Variants in PCDHA2 observed in about 807,000 individuals in gnomAD.
PCDHA2 encodes protocadherin alpha 2, also known as protocadherin alpha-2.
Under a neutral mutation model 66.0 loss-of-function variants are expected in PCDHA2, and 58 were observed. The observed-to-expected ratio is 0.88, with a 90% confidence interval of 0.71 to 1.09. PCDHA2 has a LOEUF of 1.09. PCDHA2 is among the 50% of genes least tolerant of loss of function. The pLI, the probability that PCDHA2 is intolerant of heterozygous loss-of-function variation, is 0.00. For missense variants in PCDHA2, 1,267 were observed against 1,242.3 expected (o/e 1.02, Z -0.30); for synonymous variants, 634 against 554.0 (o/e 1.14, Z -2.03).
At chr5:141,007,156 G>A (rs1289202250) in intron 3 of PCDHA2, among the ~76,000 whole-genome samples, 2 of 152,148 alleles carry the variant, frequency 1.3e-5, no homozygotes, top group Non-Finnish European at 1.5e-5. Context: ...AACTGTCAAA[G>A]AACAGTCAGA....
intron 1 of PCDHA2, chr5:140,868,837 C>A (rs543405019): frequency 2.7e-4 from 116 of 427,288 alleles, no homozygotes; most frequent in Non-Finnish European, 3.6e-4. Context: ...AAACCCAAAA[C>A]ACGTGAAATT....
intron 1 of PCDHA2, among the ~76,000 whole-genome samples, chr5:140,903,594 A>G (rs868958257): frequency 3.3e-5 from 5 of 152,238 alleles, no homozygotes; most frequent in South Asian, 2.1e-4. Flanking sequence ...TTGGCCTGAT[A>G]AATGCTTAAT....
At chr5:140,951,986 C>A (rs2094668313) in intron 1 of PCDHA2, among the ~76,000 whole-genome samples, 2 of 152,166 alleles carry the variant, frequency 1.3e-5, no homozygotes, top group African/African-American at 4.8e-5. Flanking sequence ...AAGGGAAAAA[C>A]CAGCCAAAAG....
rs60032403 is a variant in PCDHA2 at position 140,941,214 on chromosome 5, C to CCTTT, written c.2389-37696_2389-37693dup. Among the ~76,000 whole-genome samples, 254 of 122,478 alleles carry CCTTT rather than the reference C, an allele frequency of 2.1e-3. 3 individuals carry two copies. The highest frequency in any genetic ancestry group is 3.1e-3 in the Non-Finnish European group (180 of 58,666). 80.4% of individuals were successfully genotyped at this position (122,478 alleles called of 152,430 possible). Reference sequence around the variant, plus strand: ...TTTTTTCTTTCTTCCTTTCTTTCTTCCTTTCTTTCTTTCTTTCTTTCTTTC... The same window carrying CCTTT: ...TTTTTTCTTTCTTCCTTTCTTTCTTCCTTTCTTTCTTTCTTTCTTTCTTTCTTTC... On this transcript the variant is annotated intron_variant, in intron 1 of 3. Coordinates refer to ENST00000526136, the MANE Select transcript of PCDHA2 (RefSeq NM_018905.3).
intron 1 of PCDHA2, among the ~76,000 whole-genome samples, chr5:140,925,821 T>C (rs1381036851): frequency 1.3e-5 from 2 of 152,136 alleles, no homozygotes; most frequent in African/African-American, 4.8e-5. Context: ...CACGTCTTCT[T>C]TGGGGACGGG....
intron 1 of PCDHA2, chr5:140,967,438 C>T: frequency 6.2e-7 from 1 of 1,613,548 alleles, no homozygotes; most frequent in South Asian, 1.1e-5. Flanking sequence ...CCTTGCACCA[C>T]CTGGTTCTCA....
intron 1 of PCDHA2, chr5:140,823,946 C>A: frequency 6.2e-7 from 1 of 1,613,970 alleles, no homozygotes; most frequent in Non-Finnish European, 8.5e-7. Flanking sequence ...CGGTGCTCGG[C>A]GCAGCCCACC....
At chr5:140,808,347 G>A in intron 1 of PCDHA2, 1 of 1,614,224 alleles carries the variant, frequency 6.2e-7, no homozygotes, top group Non-Finnish European at 8.5e-7. Context: ...CTGGTCACCT[G>A]CTCCTTGACG....
At chr5:140,869,770 A>G in intron 1 of PCDHA2, 1 of 1,613,216 alleles carries the variant, frequency 6.2e-7, no homozygotes, top group South Asian at 1.1e-5. Flanking sequence ...ACCAGAGCTT[A>G]CTGGCACCGT....
chr5:140,966,665 G>A, intron 1 of PCDHA2: 1 of 1,258,258 alleles, frequency 7.9e-7, no homozygotes. Flanking sequence ...GGGGGAGCAG[G>A]CGCAGGGTGG....
chr5:140,871,799 T>C (rs1183689356), intron 1 of PCDHA2, among the ~76,000 whole-genome samples: 2 of 152,196 alleles, frequency 1.3e-5, no homozygotes, highest in Non-Finnish European at 2.9e-5. Context: ...AAATAATTAC[T>C]ATTTTCACTA....
intron 1 of PCDHA2, among the ~76,000 whole-genome samples, chr5:140,881,170 T>C (rs1442098863): frequency 1.3e-5 from 2 of 152,246 alleles, no homozygotes; most frequent in Non-Finnish European, 1.5e-5. Flanking sequence ...CCTCTTCCTC[T>C]TTTCCTTGCT....
intron 1 of PCDHA2, chr5:140,969,456 A>G (rs963968770): frequency 4.0e-6 from 6 of 1,508,992 alleles, no homozygotes; most frequent in Admixed American, 2.2e-5. Flanking sequence ...CTGAGTATAT[A>G]TAGTATCCAC....
At chr5:140,910,780 C>T (rs2075160544) in intron 1 of PCDHA2, among the ~76,000 whole-genome samples, 1 of 152,192 alleles carries the variant, frequency 6.6e-6, no homozygotes, top group South Asian at 2.1e-4. Flanking sequence ...CAAGCTGCAA[C>T]ATTAAATGCA....
At chr5:140,954,119 C>A (rs547590061) in intron 1 of PCDHA2, among the ~76,000 whole-genome samples, 1 of 152,274 alleles carries the variant, frequency 6.6e-6, no homozygotes, top group African/African-American at 2.4e-5. Flanking sequence ...AGATCTTGTT[C>A]CTTTTTATGG....
chr5:140,903,431 A>G (rs1431018780), intron 1 of PCDHA2, among the ~76,000 whole-genome samples: 3 of 152,242 alleles, frequency 2.0e-5, no homozygotes, highest in South Asian at 2.1e-4. Context: ...CACAATATGT[A>G]TCAGTGGAAT....
intron 1 of PCDHA2, chr5:140,869,524 C>T: frequency 6.2e-7 from 1 of 1,614,188 alleles, no homozygotes; most frequent in Non-Finnish European, 8.5e-7. Flanking sequence ...ACAAAAGCTG[C>T]TGATTGCGGA....
rs2150251833 is a variant in PCDHA2, at chr5:140,836,067, G to A, written c.2388+38715G>A. 18 of 1,613,552 alleles carry A rather than the reference G, an allele frequency of 1.1e-5. 1 individual carries two copies. Among genetic ancestry groups the A allele is most frequent in the Non-Finnish European group, 1.4e-5 (16 of 1,179,776 alleles). On this transcript the variant is annotated intron_variant, in intron 1 of 3. Transcript: ENST00000526136. Reference sequence around the variant, plus strand: ...GTTCGTGCTGGACGAGAACGACAACGCGCCGGCACTGCTGGCGCCTCGGGT... The same window carrying A: ...GTTCGTGCTGGACGAGAACGACAACACGCCGGCACTGCTGGCGCCTCGGGT...
chr5:140,841,689 T>C, intron 1 of PCDHA2: 1 of 1,613,616 alleles, frequency 6.2e-7, no homozygotes, highest in South Asian at 1.1e-5. Flanking sequence ...GACGTGGAGG[T>C]GAAGGATGTT....
Sources: allele counts gnomAD v4.1 joint callset (sites outside exome capture counted in the v4.1 genomes callset), GRCh38; gene constraint gnomAD v4.1.1; transcripts MANE v1.5; gene names NCBI Gene and HGNC (gene_info 2026-07-23, HGNC 2026-07-21).